FAM135B: variants seen among roughly 807,000 people sequenced by gnomAD.
FAM135B encodes family with sequence similarity 135 member B, also known as protein FAM135B.
A neutral mutation model predicts 127.7 loss-of-function variants in FAM135B; 43 were observed. The observed-to-expected ratio is 0.34, with a 90% confidence interval of 0.26 to 0.43. The LOEUF (loss-of-function observed/expected upper bound fraction) is 0.43. Among genes scored for constraint, FAM135B ranks in the 20% least tolerant of loss-of-function variants. The pLI is 1.00. For missense variants in FAM135B, 1,558 were observed against 1,725.6 expected (o/e 0.90, Z 1.72); for synonymous variants, 670 against 665.1 (o/e 1.01, Z -0.11).
At chr8:138,314,995 G>A (rs116277432) in intron 2 of FAM135B, among the ~76,000 whole-genome samples, 2,221 of 150,342 alleles carry the variant, frequency 0.015, 46 homozygotes, top group African/African-American at 0.048. Context: ...ACAATCTTGA[G>A]AAAAAAGAAA....
intron 1 of FAM135B, among the ~76,000 whole-genome samples, chr8:138,383,235 G>A (rs1015453605): frequency 1.3e-5 from 2 of 152,172 alleles, no homozygotes; most frequent in Admixed American, 1.3e-4. Flanking sequence ...CTTTTTCTTG[G>A]ACCTTCAACT....
intron 3 of FAM135B, among the ~76,000 whole-genome samples, chr8:138,271,720 T>A (rs61708961): frequency 0.023 from 3,552 of 152,274 alleles, 93 homozygotes; most frequent in East Asian, 0.08. Context: ...TAAAACAAAC[T>A]GAGTTTGATC....
At chr8:138,186,088 C>T (rs891270987) in intron 9 of FAM135B, among the ~76,000 whole-genome samples, 1 of 152,156 alleles carries the variant, frequency 6.6e-6, no homozygotes, top group East Asian at 1.9e-4. Flanking sequence ...CCCCCCACTC[C>T]TTCAGGGCAA....
intron 2 of FAM135B, among the ~76,000 whole-genome samples, chr8:138,332,897 T>A (rs1212467586): frequency 1.3e-5 from 2 of 151,900 alleles, no homozygotes; most frequent in Non-Finnish European, 2.9e-5. Flanking sequence ...CAGGGTTGGG[T>A]GTTTTGTGCT....
chr8:138,416,279 T>C (rs1284022235), intron 1 of FAM135B, among the ~76,000 whole-genome samples: 1 of 152,204 alleles, frequency 6.6e-6, no homozygotes, highest in Non-Finnish European at 1.5e-5. Flanking sequence ...ACTAGTTACA[T>C]GATCCTTAGC....
chr8:138,321,063 A>T (rs1163312467), intron 2 of FAM135B, among the ~76,000 whole-genome samples: 1 of 152,160 alleles, frequency 6.6e-6, no homozygotes, highest in Non-Finnish European at 1.5e-5. Context: ...TGGAGTCTGA[A>T]CACCCAGGTC....
chr8:138,233,429 C>T (rs914584733), intron 7 of FAM135B, among the ~76,000 whole-genome samples: 5 of 151,984 alleles, frequency 3.3e-5, no homozygotes, highest in African/African-American at 1.2e-4. Flanking sequence ...TGGCTGCCTC[C>T]GCAACAAATG....
intron 1 of FAM135B, among the ~76,000 whole-genome samples, chr8:138,409,313 A>G (rs1249278567): frequency 1.3e-5 from 2 of 152,166 alleles, no homozygotes; most frequent in African/African-American, 2.4e-5. Context: ...ACATTTATCA[A>G]TTAAGTTCAC....
At chr8:138,388,443 G>T (rs902157439) in intron 1 of FAM135B, among the ~76,000 whole-genome samples, 13 of 152,148 alleles carry the variant, frequency 8.5e-5, no homozygotes, top group Non-Finnish European at 1.9e-4. Context: ...CCTGCAAATA[G>T]ATGTTTACAG....
intron 1 of FAM135B, among the ~76,000 whole-genome samples, chr8:138,395,499 A>C (rs1832798149): frequency 6.6e-6 from 1 of 152,164 alleles, no homozygotes; most frequent in Non-Finnish European, 1.5e-5. Context: ...TGACCTTTGC[A>C]CTATCTCCTA....
At chr8:138,463,575 C>T (rs1587514534) in intron 1 of FAM135B, among the ~76,000 whole-genome samples, 1 of 152,136 alleles carries the variant, frequency 6.6e-6, no homozygotes, top group Non-Finnish European at 1.5e-5. Context: ...GTTTTGAGGA[C>T]ACCATGGCAT....
chr8:138,295,221 C>T (rs1391158813), intron 3 of FAM135B, among the ~76,000 whole-genome samples: 2 of 146,656 alleles, frequency 1.4e-5, no homozygotes, highest in Non-Finnish European at 3.0e-5. Context: ...GGGGCAGATT[C>T]CTCCATCTGT....
intron 14 of FAM135B, 81 bp downstream of exon 14, chr8:138,148,439 T>C (rs1171134713): frequency 2.7e-6 from 3 of 1,125,462 alleles, no homozygotes; most frequent in Non-Finnish European, 3.9e-6. Flanking sequence ...GTTGAATGAA[T>C]ACCTCATCTA....
At chr8:138,357,271 T>C (rs1368787758) in intron 2 of FAM135B, among the ~76,000 whole-genome samples, 1 of 152,124 alleles carries the variant, frequency 6.6e-6, no homozygotes, top group Non-Finnish European at 1.5e-5. Flanking sequence ...AAACTAAAAC[T>C]ATAAAACAAG....
At chr8:138,316,169 T>C (rs1171842265) in intron 2 of FAM135B, among the ~76,000 whole-genome samples, 4 of 152,334 alleles carry the variant, frequency 2.6e-5, no homozygotes, top group South Asian at 4.1e-4. Flanking sequence ...ATAAAATAAA[T>C]GTTTAAAAAA....
At chr8:138,249,878 T>C (rs75974965) in intron 6 of FAM135B, among the ~76,000 whole-genome samples, 1 of 152,328 alleles carries the variant, frequency 6.6e-6, no homozygotes, top group East Asian at 1.9e-4. Context: ...ATGTGTAATG[T>C]TTTGAAATTA....
intron 3 of FAM135B, among the ~76,000 whole-genome samples, chr8:138,283,271 T>A (rs547692327): frequency 7.0e-4 from 106 of 152,122 alleles, no homozygotes; most frequent in African/African-American, 1.6e-3. Context: ...GGAATATTAT[T>A]CAGAACCAAA....
intron 1 of FAM135B, among the ~76,000 whole-genome samples, chr8:138,487,449 T>G (rs565421041): frequency 2.4e-4 from 37 of 152,158 alleles, no homozygotes; most frequent in Admixed American, 1.1e-3. Context: ...TAAGAAAACA[T>G]TGCTTTTATC....
intron 3 of FAM135B, among the ~76,000 whole-genome samples, chr8:138,272,080 G>A (rs1483791055): frequency 6.6e-6 from 1 of 151,352 alleles, no homozygotes; most frequent in African/African-American, 2.4e-5. Flanking sequence ...CAGGCAATAT[G>A]TTAGACATAA....
Sources: allele counts gnomAD v4.1 joint callset (sites outside exome capture counted in the v4.1 genomes callset), GRCh38; gene constraint gnomAD v4.1.1; transcripts MANE v1.5; gene names NCBI Gene and HGNC (gene_info 2026-07-23, HGNC 2026-07-21).